The following IGBP1C variants were observed in gnomAD, a reference collection of about 807,000 sequenced individuals.
IGBP1C encodes IGBP1 family member C.
the IGBP1C span, among the ~76,000 whole-genome samples, chr17:58,674,113 A>G: frequency 6.6e-6 from 1 of 151,960 alleles, no homozygotes; most frequent in Non-Finnish European, 1.5e-5. Flanking sequence ...ATCTCTACTA[A>G]AACTACAAAA....
chr17:58,670,002 C>T, the IGBP1C span, among the ~76,000 whole-genome samples: 2 of 152,168 alleles, frequency 1.3e-5, no homozygotes, highest in East Asian at 1.9e-4. Flanking sequence ...ACCATACCGC[C>T]GTGGCAGCCA....
the IGBP1C span, chr17:58,661,260 AT>A: frequency 2.5e-6 from 2 of 800,706 alleles, no homozygotes; most frequent in Admixed American, 1.7e-5. Flanking sequence ...TGAGTTAAGT[AT>A]TTTATAAAGT....
chr17:58,661,212 G>C, the IGBP1C span: 2 of 797,658 alleles, frequency 2.5e-6, no homozygotes, highest in Non-Finnish European at 4.6e-6. Context: ...GTCTTGGTTT[G>C]GGGCAGCTCA....
the IGBP1C span, among the ~76,000 whole-genome samples, chr17:58,673,299 C>T: frequency 1.9e-4 from 29 of 150,768 alleles, no homozygotes; most frequent in Non-Finnish European, 3.4e-4. Flanking sequence ...GCCAATATGG[C>T]GAAACCATAA....
At chr17:58,669,744 A>G in the IGBP1C span, among the ~76,000 whole-genome samples, 1 of 151,566 alleles carries the variant, frequency 6.6e-6, no homozygotes, top group Non-Finnish European at 1.5e-5. Context: ...AAAAAAAAAA[A>G]AAAAAAAAAA....
chr17:58,678,479 G>A, the IGBP1C span, among the ~76,000 whole-genome samples: 18 of 152,204 alleles, frequency 1.2e-4, no homozygotes, highest in Admixed American at 9.8e-4. Context: ...TATACACCAC[G>A]GAACACTATG....
At chr17:58,667,872 G>A in the IGBP1C span, among the ~76,000 whole-genome samples, 1 of 148,678 alleles carries the variant, frequency 6.7e-6, no homozygotes, top group East Asian at 2.0e-4. Context: ...CAGCCTGGGC[G>A]ACAGAGTGAG....
At chr17:58,667,793 G>C in the IGBP1C span, among the ~76,000 whole-genome samples, 1 of 151,732 alleles carries the variant, frequency 6.6e-6, no homozygotes, top group South Asian at 2.1e-4. Context: ...GCTGAGGCAG[G>C]AGAACTGCTT....
At chr17:58,683,243 C>T in the IGBP1C span, among the ~76,000 whole-genome samples, 1 of 151,140 alleles carries the variant, frequency 6.6e-6, no homozygotes, top group Non-Finnish European at 1.5e-5. Flanking sequence ...CATGGTGGCA[C>T]GTGTCTGTAA....
the IGBP1C span, among the ~76,000 whole-genome samples, chr17:58,665,473 C>A: frequency 3.9e-5 from 6 of 151,960 alleles, no homozygotes; most frequent in Non-Finnish European, 8.8e-5. Flanking sequence ...TCATGCGTGG[C>A]TGTAGTCCAG....
the IGBP1C span, among the ~76,000 whole-genome samples, chr17:58,690,758 G>T: frequency 1.3e-5 from 2 of 152,128 alleles, no homozygotes; most frequent in Non-Finnish European, 2.9e-5. Flanking sequence ...ACCAAATGGG[G>T]TATAAATGCT....
chr17:58,666,524 C>T, the IGBP1C span: 6 of 134,320 alleles, frequency 4.5e-5, no homozygotes, highest in Admixed American at 2.3e-4. Flanking sequence ...ACTTGCATTT[C>T]AACTACCACA....
the IGBP1C span, among the ~76,000 whole-genome samples, chr17:58,669,361 CAAA>C: frequency 7.4e-6 from 1 of 135,804 alleles, no homozygotes; most frequent in Non-Finnish European, 1.6e-5. Flanking sequence ...CAAAAACAAA[CAAA>C]AAAAAAAACA....
chr17:58,682,195 C>T, the IGBP1C span, among the ~76,000 whole-genome samples: 5 of 151,780 alleles, frequency 3.3e-5, no homozygotes, highest in South Asian at 4.1e-4. Context: ...GCAATTGACC[C>T]GTCTCCGCCT....
chr17:58,673,848 G>A, the IGBP1C span, among the ~76,000 whole-genome samples: 90 of 152,212 alleles, frequency 5.9e-4, no homozygotes, highest in Admixed American at 1.5e-3. Flanking sequence ...GATTATAGAC[G>A]TGAGCCACCC....
the IGBP1C span, among the ~76,000 whole-genome samples, chr17:58,669,581 A>G: frequency 7.3e-5 from 11 of 151,156 alleles, no homozygotes; most frequent in Non-Finnish European, 1.3e-4. Context: ...TAAAAATACA[A>G]AAATTAGCCA....
the IGBP1C span, among the ~76,000 whole-genome samples, chr17:58,677,000 T>G: frequency 2.7e-5 from 4 of 148,948 alleles, no homozygotes; most frequent in Admixed American, 2.7e-4. Context: ...GTGCCTGTAA[T>G]CCCAGCTACT....
At chr17:58,688,758 T>A in the IGBP1C span, among the ~76,000 whole-genome samples, 1 of 152,106 alleles carries the variant, frequency 6.6e-6, no homozygotes, top group African/African-American at 2.4e-5. Context: ...GTCTCTCAAA[T>A]TTTTTCATGA....
the IGBP1C span, among the ~76,000 whole-genome samples, chr17:58,683,841 C>G: frequency 6.7e-6 from 1 of 149,500 alleles, no homozygotes. Flanking sequence ...CTGAGGCGGG[C>G]GGATCACAAG....
Sources: gnomAD v4.1 joint callset for allele counts (sites outside exome capture counted in the v4.1 genomes callset) on GRCh38, gnomAD v4.1.1 for gene constraint, MANE v1.5 for transcripts, NCBI Gene and HGNC (gene_info 2026-07-23, HGNC 2026-07-21) for gene names.